Variants in RUFY4 observed in about 807,000 individuals in gnomAD.
The protein encoded by RUFY4 is RUN and FYVE domain-containing protein 4.
Under a neutral mutation model 69.0 loss-of-function variants are expected in RUFY4, and 73 were observed. That is an observed-to-expected ratio of 1.06 (90% CI 0.88 to 1.29). The LOEUF (loss-of-function observed/expected upper bound fraction) is 1.29. Among genes scored for constraint, RUFY4 ranks in the 50% most tolerant of loss-of-function variants. The pLI is 0.00. For missense variants in RUFY4, 770 were observed against 705.6 expected, an observed-to-expected ratio of 1.09 and a Z score of -1.03; for synonymous variants, 287 against 271.8, an observed-to-expected ratio of 1.06 and a Z score of -0.55.
intron 2 of RUFY4, among the ~76,000 whole-genome samples, chr2:218,037,225 C>T (rs908189995): frequency 2.6e-5 from 4 of 151,848 alleles, no homozygotes; most frequent in South Asian, 2.1e-4. Flanking sequence ...GAGGCTGAGG[C>T]AGAAGAATCC....
intron 2 of RUFY4, among the ~76,000 whole-genome samples, chr2:218,037,723 A>G (rs760016910): frequency 1.3e-5 from 2 of 152,224 alleles, no homozygotes; most frequent in Non-Finnish European, 2.9e-5. Flanking sequence ...ATGCCCTAGT[A>G]ATATACCCAA....
intron 2 of RUFY4, among the ~76,000 whole-genome samples, chr2:218,035,908 A>C (rs1958969749): frequency 6.6e-6 from 1 of 152,088 alleles, no homozygotes; most frequent in African/African-American, 2.4e-5. Context: ...CTCGAGGAGG[A>C]TGAGTACCCG....
intron 2 of RUFY4, among the ~76,000 whole-genome samples, chr2:218,042,071 T>C (rs983514273): frequency 1.2e-4 from 19 of 152,220 alleles, no homozygotes; most frequent in Admixed American, 2.0e-4. Context: ...TGTTGACTTA[T>C]CCAAATTGTC....
At chr2:218,056,603 T>C (rs1365531013) in intron 2 of RUFY4, among the ~76,000 whole-genome samples, 2 of 152,208 alleles carry the variant, frequency 1.3e-5, no homozygotes, top group South Asian at 2.1e-4. Context: ...GGTGGAAATA[T>C]GAAAATTGAT....
chr2:218,067,533 G>C (rs142394193), upstream of RUFY4, among the ~76,000 whole-genome samples: 20 of 152,334 alleles, frequency 1.3e-4, no homozygotes, highest in East Asian at 3.9e-3. Flanking sequence ...GAAGAGGGGA[G>C]CCCCAAGCAG....
At chr2:218,044,758 A>G (rs1688789085) in intron 2 of RUFY4, among the ~76,000 whole-genome samples, 1 of 152,248 alleles carries the variant, frequency 6.6e-6, no homozygotes, top group Non-Finnish European at 1.5e-5. Context: ...ATTTTCCTGC[A>G]GAGGACATGA....
chr2:218,051,812 G>A (rs73082345), intron 2 of RUFY4, among the ~76,000 whole-genome samples: 6 of 152,090 alleles, frequency 3.9e-5, no homozygotes, highest in African/African-American at 7.2e-5. Flanking sequence ...AAACAGAAAG[G>A]TTTTCTTAAA....
chr2:218,081,684 A>G (rs1466691613), intron 8 of RUFY4, among the ~76,000 whole-genome samples: 1 of 152,190 alleles, frequency 6.6e-6, no homozygotes, highest in Non-Finnish European at 1.5e-5. Flanking sequence ...CAGGAAAATT[A>G]AAGTCAGCAG....
chr2:218,063,412 C>T (rs1488812535), intron 3 of RUFY4, among the ~76,000 whole-genome samples: 1 of 152,174 alleles, frequency 6.6e-6, no homozygotes, highest in African/African-American at 2.4e-5. Flanking sequence ...CAGAACTCTC[C>T]CACATCGCAG....
At position 218,078,029 on chromosome 2, in the gene RUFY4, AT is replaced by A. The variant is rs35564145; in HGVS notation, c.1355+1498del. On this transcript the variant is annotated intron_variant, in intron 8 of 10. Transcript: ENST00000344321. ...GCCACCTGTCACTCATCATTCAGTC[AT>A]TCCACAAACACCCTGTGCACCCACT... Among the ~76,000 whole-genome samples, 973 of 152,292 alleles carry A rather than the reference AT, an allele frequency of 6.4e-3. 6 individuals carry two copies. Among genetic ancestry groups the A allele is most frequent in the Non-Finnish European group, 0.011 (717 of 68,016 alleles).
intron 2 of RUFY4, among the ~76,000 whole-genome samples, chr2:218,052,099 G>A (rs1221942611): frequency 6.6e-6 from 1 of 152,136 alleles, no homozygotes; most frequent in Non-Finnish European, 1.5e-5. Flanking sequence ...CAGGTCATAC[G>A]TCACTGCCTC....
intron 10 of RUFY4, 28 bp from the exon 13 acceptor site, chr2:218,089,924 C>T: frequency 1.3e-6 from 2 of 1,520,560 alleles, no homozygotes; most frequent in Non-Finnish European, 1.8e-6. Context: ...CAGAGGCCGC[C>T]CCAGGCTTTC....
At chr2:218,056,591 C>A (rs752433722) in intron 2 of RUFY4, among the ~76,000 whole-genome samples, 1 of 152,160 alleles carries the variant, frequency 6.6e-6, no homozygotes, top group South Asian at 2.1e-4. Context: ...TCTTGATCAA[C>A]AGGTGGAAAT....
intron 2 of RUFY4, among the ~76,000 whole-genome samples, chr2:218,042,519 G>A (rs563118112): frequency 4.1e-4 from 62 of 152,334 alleles, no homozygotes; most frequent in African/African-American, 1.4e-3. Flanking sequence ...CTAGATTTGA[G>A]TTTAAAGCAT....
chr2:218,070,601 T>G, exon 1 of RUFY4: 1 of 1,537,476 alleles, frequency 6.5e-7, no homozygotes, highest in South Asian at 1.2e-5. Flanking sequence ...CATTTCCAAG[T>G]ACCCATGGCA....
At chr2:218,089,661 TC>T (rs1391958468) in intron 10 of RUFY4, 1 of 702,676 alleles carries the variant, frequency 1.4e-6, no homozygotes, top group Admixed American at 2.0e-5. Flanking sequence ...CGTAAGCTGC[TC>T]CCCCTCCTTC....
chr2:218,059,098 T>C (rs1239941195), intron 3 of RUFY4: 1 of 152,300 alleles, frequency 6.6e-6, no homozygotes. Flanking sequence ...CTTGCCCCAC[T>C]TCTCTGTAGC....
chr2:218,065,339 C>T, upstream of RUFY4, among the ~76,000 whole-genome samples: 1 of 152,188 alleles, frequency 6.6e-6, no homozygotes, highest in Non-Finnish European at 1.5e-5. Context: ...CCATTTCTGC[C>T]CAGAGGGGCG....
intron 9 of RUFY4, among the ~76,000 whole-genome samples, chr2:218,088,455 C>CAA (rs112643399): frequency 4.5e-5 from 4 of 88,290 alleles, no homozygotes; most frequent in African/African-American, 1.0e-4. Context: ...GAGATGCTGT[C>CAA]AAAAAAAAAA....
Sources: allele counts gnomAD v4.1 joint callset (sites outside exome capture counted in the v4.1 genomes callset), GRCh38; gene constraint gnomAD v4.1.1; transcripts MANE v1.5; gene names NCBI Gene and HGNC (gene_info 2026-07-23, HGNC 2026-07-21).